EYS: variants seen among roughly 807,000 people sequenced by gnomAD.
The protein encoded by EYS is EGF-like photoreceptor maintenance factor, also known as protein eyes shut homolog.
A neutral mutation model predicts 282.1 loss-of-function variants in EYS; 250 were observed. The observed-to-expected ratio is 0.89, with a 90% CI of 0.80 to 0.98. The LOEUF (loss-of-function observed/expected upper bound fraction) is 0.98, where lower values mean the gene tolerates loss of function less well. Among genes scored for constraint, EYS ranks in the 50% least tolerant of loss-of-function variants. The pLI, the probability that EYS is intolerant of heterozygous loss-of-function variation, is 0.00. For missense variants in EYS, 4,016 were observed against 3,709.0 expected, an observed-to-expected ratio of 1.08 and a Z score of -2.15; for synonymous variants, 1,355 against 1,282.9, an observed-to-expected ratio of 1.06 and a Z score of -1.20.
chr6:65,223,737 C>G (rs1766539187), intron 12 of EYS, among the ~76,000 whole-genome samples: 1 of 152,126 alleles, frequency 6.6e-6, no homozygotes, highest in South Asian at 2.1e-4. Flanking sequence ...TGGATACCAT[C>G]CAGGTCAAGT....
intron 31 of EYS, among the ~76,000 whole-genome samples, chr6:64,121,871 G>A (rs1478860325): frequency 2.6e-5 from 4 of 152,166 alleles, no homozygotes; most frequent in African/African-American, 9.7e-5. Flanking sequence ...CCATCATGGA[G>A]CTCATCTATA....
intron 29 of EYS, among the ~76,000 whole-genome samples, chr6:64,315,385 A>T (rs557417458): frequency 1.5e-4 from 23 of 152,030 alleles, no homozygotes; most frequent in Non-Finnish European, 3.1e-4. Flanking sequence ...CAAACAATGG[A>T]AAAAAAGGGA....
chr6:64,297,795 T>C (rs919406086), intron 30 of EYS, among the ~76,000 whole-genome samples: 7 of 151,904 alleles, frequency 4.6e-5, no homozygotes, highest in Admixed American at 2.0e-4. Flanking sequence ...CTGGCCAACA[T>C]TGTGAAACAC....
At chr6:64,248,853 C>T (rs1213594899) in intron 30 of EYS, among the ~76,000 whole-genome samples, 14 of 151,916 alleles carry the variant, frequency 9.2e-5, no homozygotes, top group Admixed American at 3.3e-4. Context: ...CTCAGGAGTT[C>T]GAGACCAGCC....
intron 15 of EYS, among the ~76,000 whole-genome samples, chr6:64,930,186 G>A (rs1768665695): frequency 1.3e-5 from 2 of 151,932 alleles, no homozygotes; most frequent in Admixed American, 6.6e-5. Flanking sequence ...ATATACAGAG[G>A]CATATATAAT....
At chr6:63,817,991 G>A (rs1771225802) in intron 36 of EYS, among the ~76,000 whole-genome samples, 1 of 152,174 alleles carries the variant, frequency 6.6e-6, no homozygotes, top group Non-Finnish European at 1.5e-5. Flanking sequence ...ATGTATGCAT[G>A]TCATGGACCT....
At chr6:64,654,792 C>T (rs1227086839) in intron 22 of EYS, among the ~76,000 whole-genome samples, 2 of 152,156 alleles carry the variant, frequency 1.3e-5, no homozygotes, top group African/African-American at 4.8e-5. Context: ...ACTTCTGTCA[C>T]TGCAAATTTA....
chr6:65,697,444 T>C (rs1769494260), intron 1 of EYS, among the ~76,000 whole-genome samples: 1 of 152,116 alleles, frequency 6.6e-6, no homozygotes, highest in Admixed American at 6.5e-5. Flanking sequence ...GTGCAGGTAG[T>C]CTTTCAGTAG....
chr6:64,298,059 G>T (rs1297537013), intron 30 of EYS, among the ~76,000 whole-genome samples: 1 of 151,740 alleles, frequency 6.6e-6, no homozygotes, highest in Non-Finnish European at 1.5e-5. Context: ...GTTAACACTG[G>T]ACCTTCCTTG....
intron 2 of EYS, among the ~76,000 whole-genome samples, chr6:65,633,211 T>C (rs1396400551): frequency 6.6e-6 from 1 of 152,224 alleles, no homozygotes; most frequent in Non-Finnish European, 1.5e-5. Context: ...GATCTTCTAG[T>C]AATTCACATC....
chr6:64,356,874 AT>A (rs978834955), intron 29 of EYS, among the ~76,000 whole-genome samples: 2 of 151,566 alleles, frequency 1.3e-5, no homozygotes, highest in African/African-American at 4.8e-5. Context: ...TCAGCAGAGA[AT>A]TTGGTGAGCT....
chr6:64,686,771 A>G lies in EYS; in HGVS notation c.3444-60526T>C, dbSNP rs1245878210. ...TATATATATATATATATGTGTGTATATATATATATATATATATGTGTGTAT... is the reference window on the plus strand; with the variant it reads ...TATATATATATATATATGTGTGTATGTATATATATATATATATGTGTGTAT... On this transcript the variant is annotated intron_variant, in intron 22 of 42. Transcript: ENST00000503581. Among the ~76,000 whole-genome samples the G allele has an allele frequency of 8.3e-4, 7 of 8,384 alleles. 1 individual carries two copies. Among genetic ancestry groups the G allele is most frequent in the African/African-American group, 1.2e-3 (7 of 6,020 alleles). The allele number at this position is 8,384 out of a possible 152,430, so 5.5% of individuals were successfully genotyped here. A position where few individuals can be genotyped will look rare whatever the true frequency, so the allele number is the denominator to read the frequency against.
At chr6:63,939,338 C>T (rs1039025903) in intron 35 of EYS, among the ~76,000 whole-genome samples, 1 of 151,992 alleles carries the variant, frequency 6.6e-6, no homozygotes, top group Non-Finnish European at 1.5e-5. Context: ...CACCCATCCC[C>T]AATAATTTCT....
At chr6:65,422,809 C>T (rs1416771964) in intron 5 of EYS, among the ~76,000 whole-genome samples, 1 of 150,100 alleles carries the variant, frequency 6.7e-6, no homozygotes, top group Non-Finnish European at 1.5e-5. Flanking sequence ...TATAGAGAGA[C>T]ATATATATAT....
At chr6:65,538,161 T>C (rs1768028214) in intron 2 of EYS, among the ~76,000 whole-genome samples, 2 of 152,208 alleles carry the variant, frequency 1.3e-5, no homozygotes, top group African/African-American at 2.4e-5. Context: ...GGACAATTAT[T>C]ACAATCCTTT....
At chr6:65,017,997 C>T (rs777942257) in intron 13 of EYS, among the ~76,000 whole-genome samples, 6 of 152,168 alleles carry the variant, frequency 3.9e-5, no homozygotes, top group African/African-American at 7.2e-5. Context: ...AGCCAATAAA[C>T]TCAAGTTTGT....
At chr6:64,295,645 C>T (rs1336792101) in intron 30 of EYS, among the ~76,000 whole-genome samples, 3 of 147,964 alleles carry the variant, frequency 2.0e-5, no homozygotes, top group South Asian at 2.2e-4. Flanking sequence ...AGGAGAATGG[C>T]GTGAACCGAG....
chr6:64,860,185 T>C (rs768690314), intron 19 of EYS, among the ~76,000 whole-genome samples: 9 of 152,244 alleles, frequency 5.9e-5, no homozygotes, highest in Non-Finnish European at 1.3e-4. Context: ...TTGCAGTATG[T>C]ATTTACACTA....
intron 33 of EYS, among the ~76,000 whole-genome samples, chr6:64,008,506 C>T (rs1485244154): frequency 6.6e-6 from 1 of 152,062 alleles, no homozygotes; most frequent in Non-Finnish European, 1.5e-5. Flanking sequence ...ATCCTGTCAT[C>T]ATGTTGTTAG....
Sources: allele counts gnomAD v4.1 joint callset (sites outside exome capture counted in the v4.1 genomes callset), GRCh38; gene constraint gnomAD v4.1.1; transcripts MANE v1.5; gene names NCBI Gene and HGNC (gene_info 2026-07-23, HGNC 2026-07-21).